Variants in NAT1 observed in about 807,000 individuals in gnomAD.
NAT1 encodes the protein N-acetyltransferase 1.
For synonymous variants in NAT1, 144 were observed against 122.6 expected (o/e 1.17, Z -1.16); for missense variants, 400 against 339.2 (o/e 1.18, Z -1.41).
upstream of NAT1, among the ~76,000 whole-genome samples, chr8:18,208,685 T>C (rs1803843281): frequency 6.6e-6 from 1 of 152,114 alleles, no homozygotes; most frequent in Non-Finnish European, 1.5e-5. Flanking sequence ...AAAGGAATGT[T>C]AGTGTGGGAT....
chr8:18,179,753 CAT>C (rs1802436606), intron 2 of NAT1, among the ~76,000 whole-genome samples: 1 of 152,168 alleles, frequency 6.6e-6, no homozygotes, highest in Admixed American at 6.6e-5. Flanking sequence ...TAGATCTACA[CAT>C]GTGCTATCAC....
intron 2 of NAT1, among the ~76,000 whole-genome samples, chr8:18,221,079 T>C (rs1805233658): frequency 6.6e-6 from 1 of 152,226 alleles, no homozygotes; most frequent in Admixed American, 6.5e-5. Flanking sequence ...AATGCCAGTC[T>C]TAGCTCCAAG....
At chr8:18,193,495 TATATATATATA>T (rs927521486) in intron 2 of NAT1, among the ~76,000 whole-genome samples, 46 of 131,196 alleles carry the variant, frequency 3.5e-4, no homozygotes, top group African/African-American at 1.5e-3. Context: ...TAATCTGATA[TATATATATATA>T]ATATATATAT....
At chr8:18,175,633 C>G (rs780185315) in intron 2 of NAT1, among the ~76,000 whole-genome samples, 1 of 152,062 alleles carries the variant, frequency 6.6e-6, no homozygotes, top group Admixed American at 6.6e-5. Context: ...ACTTATGTTG[C>G]TTCCATATCT....
chr8:18,219,792 A>C (rs1394860164), intron 2 of NAT1, among the ~76,000 whole-genome samples: 1 of 152,220 alleles, frequency 6.6e-6, no homozygotes. Context: ...GGCCTCTAAC[A>C]AAACTGACTT....
intron 2 of NAT1, among the ~76,000 whole-genome samples, chr8:18,198,549 C>A (rs770046710): frequency 7.9e-5 from 12 of 152,188 alleles, no homozygotes; most frequent in Non-Finnish European, 1.3e-4. Context: ...AAACTGAAAT[C>A]GAACTTGTGT....
chr8:18,216,956 T>C (rs1017240061), intron 1 of NAT1: 1 of 1,551,300 alleles, frequency 6.4e-7, no homozygotes, highest in Non-Finnish European at 8.7e-7. Flanking sequence ...CTGTTGGCTA[T>C]AATAGCCTAC....
chr8:18,218,800 G>T (rs1258894984), intron 1 of NAT1, among the ~76,000 whole-genome samples: 1 of 152,108 alleles, frequency 6.6e-6, no homozygotes, highest in Non-Finnish European at 1.5e-5. Context: ...TTGGCTAAAT[G>T]AGTTTCGGGG....
upstream of NAT1, among the ~76,000 whole-genome samples, chr8:18,208,565 A>C (rs141971621): frequency 3.7e-3 from 560 of 152,352 alleles, 1 homozygote; most frequent in Non-Finnish European, 7.0e-3. Context: ...CAAGGTGGCC[A>C]AATAGAACCT....
chr8:18,178,814 C>T (rs1225739775), intron 2 of NAT1, among the ~76,000 whole-genome samples: 5 of 152,092 alleles, frequency 3.3e-5, no homozygotes, highest in Non-Finnish European at 5.9e-5. Flanking sequence ...CTTCTATGGG[C>T]TCCATTCAGT....
At chr8:18,175,224 T>A (rs563164256) in intron 2 of NAT1, among the ~76,000 whole-genome samples, 3 of 152,232 alleles carry the variant, frequency 2.0e-5, no homozygotes, top group African/African-American at 7.2e-5. Flanking sequence ...GATGAGAATG[T>A]TAAAAATCTA....
chr8:18,202,432 T>C (rs1028519848), intron 2 of NAT1, among the ~76,000 whole-genome samples: 1 of 152,240 alleles, frequency 6.6e-6, no homozygotes, highest in African/African-American at 2.4e-5. Context: ...CGGAATTTAT[T>C]CCTTCTGGTA....
At chr8:18,221,970 G>C in intron 2 of NAT1, 72 bp from the exon 3 acceptor site, 1 of 1,406,144 alleles carries the variant, frequency 7.1e-7, no homozygotes, top group Non-Finnish European at 9.7e-7. Context: ...TTAAAATATA[G>C]CCATAATTAG....
chr8:18,187,747 G>A (rs1802801043), intron 2 of NAT1, among the ~76,000 whole-genome samples: 1 of 151,988 alleles, frequency 6.6e-6, no homozygotes. Context: ...AAAAATACCT[G>A]TAGGGTACTA....
Position 18,177,075 on chromosome 8 carries a change from C to A in NAT1, n.92+6336C>A, listed in dbSNP as rs1802323200. ...TGCATGTTGATTTTATAACTTGCAT[C>A]TTATTGAATTGATCACTTTTAACAG... On this transcript the variant is annotated intron_variant and non_coding_transcript_variant, in intron 2 of 4. Transcript: ENST00000517441. Among the ~76,000 whole-genome samples, 3 of 152,006 alleles carry A rather than the reference C, an allele frequency of 2.0e-5. No individual in the cohort carries two copies. In the South Asian group the frequency reaches 6.2e-4, roughly 31 times the overall value.
chr8:18,172,734 A>T (rs1447424917), intron 2 of NAT1, among the ~76,000 whole-genome samples: 2 of 152,180 alleles, frequency 1.3e-5, no homozygotes, highest in Non-Finnish European at 1.5e-5. Flanking sequence ...TAATCTCTAC[A>T]TCTTTCATGG....
chr8:18,195,958 A>G (rs1803214235), intron 2 of NAT1, among the ~76,000 whole-genome samples: 1 of 152,142 alleles, frequency 6.6e-6, no homozygotes, highest in African/African-American at 2.4e-5. Context: ...AAGAATTGAC[A>G]TACCACAAAA....
intron 1 of NAT1, chr8:18,217,110 T>TA: frequency 1.4e-6 from 1 of 704,916 alleles, no homozygotes; most frequent in Non-Finnish European, 2.3e-6. Context: ...ATTTGTTATA[T>TA]AACTGGTTTT....
chr8:18,220,188 G>A (rs966333746), intron 2 of NAT1, among the ~76,000 whole-genome samples: 4 of 152,140 alleles, frequency 2.6e-5, no homozygotes, highest in African/African-American at 7.2e-5. Flanking sequence ...CAAATGTTAC[G>A]AAAGGGTGCT....
Sources: allele counts gnomAD v4.1 joint callset (sites outside exome capture counted in the v4.1 genomes callset), GRCh38; gene constraint gnomAD v4.1.1; transcripts MANE v1.5; gene names NCBI Gene and HGNC (gene_info 2026-07-23, HGNC 2026-07-21).